CD8B2: variants seen among roughly 807,000 people sequenced by gnomAD.
CD8B2 encodes the protein T-cell surface glycoprotein CD8 beta-2 chain.
Under a neutral mutation model 23.7 loss-of-function variants are expected in CD8B2, and 11 were observed. The ratio of observed to expected loss-of-function variants is 0.46; its 90% CI spans 0.29 to 0.77. The LOEUF (loss-of-function observed/expected upper bound fraction) is 0.77. Among genes scored for constraint, CD8B2 ranks in the 30% least tolerant of loss-of-function variants. The pLI, the probability that CD8B2 is intolerant of heterozygous loss-of-function variation, is 0.09. For synonymous variants in CD8B2, 90 were observed against 109.3 expected (o/e 0.82, Z 1.10); for missense variants, 197 against 270.5 (o/e 0.73, Z 1.91).
chr2:106,532,894 T>G (rs1680009540), intron 5 of CD8B2, among the ~76,000 whole-genome samples: 2 of 152,172 alleles, frequency 1.3e-5, no homozygotes, highest in Non-Finnish European at 2.9e-5. Flanking sequence ...ATGTCTAACC[T>G]CCTGGGAATG....
rs1680006065 is a variant in CD8B2 at position 106,532,682 on chromosome 2, T to TATGGTCTAA, written c.621-11309_621-11308insTGGTCTAAA. On this transcript the variant is annotated intron_variant, in intron 5 of 5. Transcript: ENST00000416057. Reference sequence around the variant, plus strand: ...CCTTCCATTTTTAGACCATATAGGGTAACTTCCTGGCATTGCCATGGCATC... The same window carrying TATGGTCTAA: ...CCTTCCATTTTTAGACCATATAGGGTATGGTCTAAAACTTCCTGGCATTGCCATGGCATC... Among the ~76,000 whole-genome samples, 19 of 152,330 alleles carry TATGGTCTAA rather than the reference T, an allele frequency of 1.2e-4. No individual in the cohort carries two copies. The South Asian group carries it at 3.9e-3, about 32-fold the overall frequency.
At chr2:106,539,340 G>A (rs1412202369) in intron 5 of CD8B2, among the ~76,000 whole-genome samples, 1 of 152,122 alleles carries the variant, frequency 6.6e-6, no homozygotes, top group Non-Finnish European at 1.5e-5. Flanking sequence ...GTGAGTTCAA[G>A]GGGAAATATA....
At chr2:106,500,903 A>G (rs1438994430) in intron 3 of CD8B2, among the ~76,000 whole-genome samples, 1 of 152,014 alleles carries the variant, frequency 6.6e-6, no homozygotes, top group Non-Finnish European at 1.5e-5. Context: ...TTCCCAATAT[A>G]TGAAAATAGG....
chr2:106,501,506 A>T (rs1271201692), intron 3 of CD8B2, among the ~76,000 whole-genome samples: 5 of 152,034 alleles, frequency 3.3e-5, no homozygotes, highest in Admixed American at 3.3e-4. Flanking sequence ...ACGTGGTGAA[A>T]CCCCATCTCT....
chr2:106,498,793 G>A (rs1363921505), intron 3 of CD8B2, among the ~76,000 whole-genome samples: 2 of 152,178 alleles, frequency 1.3e-5, no homozygotes. Flanking sequence ...CAGGCACTCA[G>A]AGCTTGTGGG....
chr2:106,493,248 T>A (rs73952235), intron 2 of CD8B2, among the ~76,000 whole-genome samples: 2 of 152,148 alleles, frequency 1.3e-5, no homozygotes, highest in African/African-American at 4.8e-5. Context: ...GAGAAAGTGT[T>A]TGGGGAGAGA....
chr2:106,516,663 A>C (rs61435908), intron 5 of CD8B2, among the ~76,000 whole-genome samples: 13,219 of 152,178 alleles, frequency 0.087, 1,510 homozygotes, highest in East Asian at 0.63. Flanking sequence ...TGTGAAATCC[A>C]GAGCTCTTTC....
intron 5 of CD8B2, among the ~76,000 whole-genome samples, chr2:106,540,765 A>G (rs1450515046): frequency 1.3e-5 from 2 of 152,036 alleles, no homozygotes; most frequent in Non-Finnish European, 2.9e-5. Flanking sequence ...GGGTTTCACC[A>G]TCTTGGCCAG....
Position 106,493,437 on chromosome 2 carries a change from G to A in CD8B2, c.403+2204G>A, listed in dbSNP as rs540461458. Among the ~76,000 whole-genome samples the A allele has an allele frequency of 7.7e-4, 117 of 152,280 alleles. No homozygotes were observed. In the South Asian group the frequency reaches 0.022, roughly 29 times the overall value. On this transcript the variant is annotated intron_variant, in intron 2 of 5. Coordinates refer to ENST00000643224, the MANE Select transcript of CD8B2 (RefSeq NM_001349727.2). ...TGAGTCTCCCCTAGACCCAGGCGGC[G>A]GTGCCCAGCCAAGGCACTGAGGGCC...
intron 3 of CD8B2, among the ~76,000 whole-genome samples, chr2:106,497,931 G>A (rs1679329203): frequency 6.6e-6 from 1 of 152,082 alleles, no homozygotes; most frequent in African/African-American, 2.4e-5. Context: ...TTTAAACAAA[G>A]GGAAGACCCC....
downstream of CD8B2, among the ~76,000 whole-genome samples, chr2:106,513,724 C>T (rs1427252367): frequency 1.3e-5 from 2 of 152,034 alleles, no homozygotes; most frequent in African/African-American, 2.4e-5. Flanking sequence ...CACCCCTCCA[C>T]CCTTACCTCA....
intron 1 of CD8B2, among the ~76,000 whole-genome samples, chr2:106,489,508 C>T (rs1028979575): frequency 6.6e-6 from 1 of 152,148 alleles, no homozygotes; most frequent in Non-Finnish European, 1.5e-5. Context: ...CCCCCTCTGC[C>T]TACCCAGGTC....
intron 5 of CD8B2, among the ~76,000 whole-genome samples, chr2:106,527,637 T>C (rs765272735): frequency 2.0e-5 from 3 of 151,974 alleles, no homozygotes; most frequent in Non-Finnish European, 4.4e-5. Flanking sequence ...ACAAAAAAAT[T>C]AGCTGGGCGT....
intron 5 of CD8B2, among the ~76,000 whole-genome samples, chr2:106,520,601 AGAG>A (rs1679807952): frequency 6.6e-6 from 1 of 152,208 alleles, no homozygotes; most frequent in Non-Finnish European, 1.5e-5. Flanking sequence ...GTTTAAGAGT[AGAG>A]GATTAGGCCG....
At chr2:106,528,902 A>G (rs1310379134) in intron 5 of CD8B2, among the ~76,000 whole-genome samples, 1 of 152,234 alleles carries the variant, frequency 6.6e-6, no homozygotes, top group Non-Finnish European at 1.5e-5. Context: ...GTTGTGGCAG[A>G]GACAGTACGA....
intron 2 of CD8B2, among the ~76,000 whole-genome samples, chr2:106,495,502 G>A (rs192932903): frequency 2.3e-4 from 35 of 152,216 alleles, no homozygotes; most frequent in African/African-American, 7.7e-4. Flanking sequence ...TCGTGCCACT[G>A]CCCTCCAGCC....
intron 5 of CD8B2, among the ~76,000 whole-genome samples, chr2:106,516,175 T>C (rs10173360): frequency 0.98 from 149,931 of 152,230 alleles, 73,870 homozygotes; most frequent in East Asian, 1. Context: ...ATGGGAGCCC[T>C]TTCTGCCCCA....
At chr2:106,499,590 C>T (rs1679363118) in intron 3 of CD8B2, among the ~76,000 whole-genome samples, 1 of 151,774 alleles carries the variant, frequency 6.6e-6, no homozygotes, top group South Asian at 2.1e-4. Context: ...CAAAGTTCAC[C>T]CATTTTAAGC....
intron 4 of CD8B2, among the ~76,000 whole-genome samples, chr2:106,503,182 C>CCCTAGAG (rs1250627756): frequency 6.6e-6 from 1 of 151,954 alleles, no homozygotes; most frequent in South Asian, 2.1e-4. Context: ...TGCATGGCTG[C>CCCTAGAG]CCTAGAGCCC....
Sources: gnomAD v4.1 joint callset for allele counts (sites outside exome capture counted in the v4.1 genomes callset) on GRCh38, gnomAD v4.1.1 for gene constraint, MANE v1.5 for transcripts, NCBI Gene and HGNC (gene_info 2026-07-23, HGNC 2026-07-21) for gene names.